Variants in AOAH observed in about 807,000 individuals in gnomAD.
AOAH encodes acyloxyacyl hydrolase.
In AOAH, 64 loss-of-function variants were observed where a neutral mutation model predicts 92.2. The ratio of observed to expected loss-of-function variants is 0.69; its 90% confidence interval spans 0.57 to 0.86. The LOEUF (loss-of-function observed/expected upper bound fraction) is 0.86, where lower values mean the gene tolerates loss of function less well. Ranked by LOEUF, AOAH falls within the 40% of genes least tolerant of loss-of-function variation. The pLI, the probability that AOAH is intolerant of heterozygous loss-of-function variation, is 0.00. For missense variants in AOAH, 656 were observed against 694.6 expected (o/e 0.94, Z 0.62); for synonymous variants, 263 against 254.5 (o/e 1.03, Z -0.32).
At chr7:36,659,864 G>C (rs1369036767) in intron 3 of AOAH, among the ~76,000 whole-genome samples, 1 of 148,816 alleles carries the variant, frequency 6.7e-6, no homozygotes, top group African/African-American at 2.5e-5. Context: ...TAGATGGCCT[G>C]CAGGAGCCAA....
chr7:36,624,851 C>CT lies in AOAH; in HGVS notation c.522-1602dup, dbSNP rs1425363562. Among the ~76,000 whole-genome samples, 4 of 152,236 alleles carry CT rather than the reference C, an allele frequency of 2.6e-5. 1 individual carries two copies. Among genetic ancestry groups the CT allele is most frequent in the African/African-American group, 9.6e-5 (4 of 41,462 alleles). On this transcript the variant is annotated intron_variant, in intron 6 of 20. Transcript: ENST00000617537. ...CAAGCCTGAGAACACCAACTCCTCC[C>CT]TTTTGCTTCTTCTGTCCCCCTAGGG... is the stretch of plus-strand genomic sequence containing the variant.
At position 36,681,992 on chromosome 7, in the gene AOAH, G is replaced by A. The variant is rs180771882; in HGVS notation, c.223+4707C>T. 4.8e-4 allele frequency among the ~76,000 whole-genome samples: 73 copies of A among 152,350 alleles called. 1 individual carries two copies. The East Asian group carries it at 0.014, about 29-fold the overall frequency. On this transcript the variant is annotated intron_variant, in intron 2 of 20. Transcript: ENST00000617537. ...GAGAAAGTAGAGGGAAGCAATGGAT[G>A]ACAGATAAAACTGAGAACAGGAGAA...
chr7:36,519,534 G>A (rs1377661118), intron 20 of AOAH, among the ~76,000 whole-genome samples: 4 of 152,182 alleles, frequency 2.6e-5, no homozygotes, highest in Non-Finnish European at 5.9e-5. Flanking sequence ...GGGTTCAAGC[G>A]ATTCTCCTGC....
chr7:36,683,209 C>A (rs977535393), intron 2 of AOAH, among the ~76,000 whole-genome samples: 4 of 152,150 alleles, frequency 2.6e-5, no homozygotes, highest in Admixed American at 2.6e-4. Context: ...TACAGAAAAG[C>A]ATTGACTTTC....
chr7:36,621,447 C>T (rs556360802), intron 8 of AOAH, among the ~76,000 whole-genome samples: 2 of 152,316 alleles, frequency 1.3e-5, no homozygotes, highest in East Asian at 3.9e-4. Context: ...ACTGTAAGCT[C>T]CAGAAGAGGA....
intron 19 of AOAH, among the ~76,000 whole-genome samples, chr7:36,523,638 T>TTG (rs1410432674): frequency 2.8e-5 from 4 of 141,086 alleles, no homozygotes; most frequent in African/African-American, 5.2e-5. Context: ...TGTTTTTTTT[T>TTG]TTTTTTTTTT....
chr7:36,688,790 TATATATATAC>T (rs1268161138), intron 1 of AOAH, among the ~76,000 whole-genome samples: 1 of 150,772 alleles, frequency 6.6e-6, no homozygotes, highest in East Asian at 1.9e-4. Context: ...ACTTTGAGTA[TATATATATAC>T]ACACACACAC....
chr7:36,532,541 G>A (rs1002962832), intron 16 of AOAH, among the ~76,000 whole-genome samples, 197 bp from the exon 17 acceptor site: 1 of 152,218 alleles, frequency 6.6e-6, no homozygotes, highest in East Asian at 1.9e-4. Flanking sequence ...ACCCAGAGTT[G>A]AGGAGGAGCC....
intron 4 of AOAH, among the ~76,000 whole-genome samples, chr7:36,648,669 G>T (rs1794389903): frequency 1.3e-5 from 2 of 149,962 alleles, no homozygotes; most frequent in Admixed American, 6.6e-5. Flanking sequence ...TAATCATTTG[G>T]GATTTATTTT....
chr7:36,679,789 C>G (rs1796528484), intron 2 of AOAH, among the ~76,000 whole-genome samples: 1 of 152,088 alleles, frequency 6.6e-6, no homozygotes, highest in South Asian at 2.1e-4. Context: ...TCCTGAGTAG[C>G]TAGGACTACA....
chr7:36,552,355 T>C (rs937419952), intron 13 of AOAH, among the ~76,000 whole-genome samples: 4 of 152,246 alleles, frequency 2.6e-5, no homozygotes, highest in Non-Finnish European at 5.9e-5. Context: ...TATGGTTGCA[T>C]AGTGTTCTGT....
chr7:36,532,806 G>T (rs186812861), intron 16 of AOAH, among the ~76,000 whole-genome samples: 13 of 152,138 alleles, frequency 8.5e-5, no homozygotes, highest in Non-Finnish European at 1.3e-4. Flanking sequence ...AAACGCTCAG[G>T]TCTGACCGAA....
chr7:36,568,156 T>C (rs1362406113), intron 13 of AOAH, among the ~76,000 whole-genome samples: 1 of 151,944 alleles, frequency 6.6e-6, no homozygotes, highest in African/African-American at 2.4e-5. Flanking sequence ...TATGGGAAGG[T>C]AAGGAGGAAA....
intron 1 of AOAH, among the ~76,000 whole-genome samples, chr7:36,720,159 T>C (rs980871650): frequency 6.6e-6 from 1 of 152,020 alleles, no homozygotes; most frequent in Non-Finnish European, 1.5e-5. Context: ...TTGTTTTGTT[T>C]TGTTTTTTGA....
intron 4 of AOAH, among the ~76,000 whole-genome samples, chr7:36,640,677 T>C (rs1339690942): frequency 2.0e-5 from 3 of 152,142 alleles, no homozygotes; most frequent in Admixed American, 6.5e-5. Flanking sequence ...CTGGTGGTGA[T>C]GGTGACAGAG....
chr7:36,685,503 G>T (rs560691514), intron 2 of AOAH, among the ~76,000 whole-genome samples: 1 of 152,148 alleles, frequency 6.6e-6, no homozygotes, highest in Non-Finnish European at 1.5e-5. Context: ...TTTGCTTTGC[G>T]TGGTTTTCTA....
At chr7:36,655,203 A>G (rs1794805196) in intron 4 of AOAH, among the ~76,000 whole-genome samples, 1 of 152,202 alleles carries the variant, frequency 6.6e-6, no homozygotes, top group Admixed American at 6.5e-5. Context: ...CGTCATCTAT[A>G]AAGGGTGGAC....
chr7:36,702,709 T>C (rs948757950), intron 1 of AOAH, among the ~76,000 whole-genome samples: 8 of 152,212 alleles, frequency 5.3e-5, no homozygotes, highest in African/African-American at 1.9e-4. Context: ...CAGCAAGTCA[T>C]AATCTTTTTG....
intron 4 of AOAH, among the ~76,000 whole-genome samples, chr7:36,651,796 ATGTT>A (rs1388077449): frequency 6.6e-6 from 1 of 152,194 alleles, no homozygotes; most frequent in East Asian, 1.9e-4. Flanking sequence ...ACTGCAAAAT[ATGTT>A]TGATAATTTT....
Sources: gnomAD v4.1 joint callset for allele counts (sites outside exome capture counted in the v4.1 genomes callset) on GRCh38, gnomAD v4.1.1 for gene constraint, MANE v1.5 for transcripts, NCBI Gene and HGNC (gene_info 2026-07-23, HGNC 2026-07-21) for gene names.